TMEM232: variants seen among roughly 807,000 people sequenced by gnomAD.
TMEM232 encodes the protein transmembrane protein 232.
In TMEM232, 80 loss-of-function variants were observed where a neutral mutation model predicts 78.8. That is an observed-to-expected ratio of 1.01 (90% CI 0.85 to 1.22). TMEM232 has a LOEUF of 1.22. TMEM232 is among the 50% of genes most tolerant of loss of function. The pLI, the probability that TMEM232 is intolerant of heterozygous loss-of-function variation, is 0.00. For synonymous variants in TMEM232, 297 were observed against 254.3 expected, an observed-to-expected ratio of 1.17 and a Z score of -1.60; for missense variants, 881 against 742.2, an observed-to-expected ratio of 1.19 and a Z score of -2.17.
intron 12 of TMEM232, among the ~76,000 whole-genome samples, chr5:110,436,698 A>G (rs1031646169): frequency 2.6e-5 from 4 of 152,056 alleles, no homozygotes; most frequent in Non-Finnish European, 5.9e-5. Flanking sequence ...TCCCAGCACC[A>G]TTTATTGAAG....
intron 11 of TMEM232, among the ~76,000 whole-genome samples, chr5:110,536,993 G>C (rs904457601): frequency 1.3e-5 from 2 of 152,160 alleles, no homozygotes; most frequent in Non-Finnish European, 2.9e-5. Context: ...ACTAACGTCA[G>C]AGATGTCTGA....
At chr5:110,392,518 A>G (rs531312403) in intron 3 of TMEM232, among the ~76,000 whole-genome samples, 2 of 152,298 alleles carry the variant, frequency 1.3e-5, no homozygotes, top group South Asian at 4.1e-4. Context: ...GGAGACTGAG[A>G]AGTCCAAGAT....
chr5:110,536,682 AC>A (rs1303707176), intron 11 of TMEM232, among the ~76,000 whole-genome samples: 1 of 152,158 alleles, frequency 6.6e-6, no homozygotes, highest in Non-Finnish European at 1.5e-5. Context: ...AAAGGAACCC[AC>A]CTAGCTATGC....
At chr5:110,633,501 CGTGTTG>C (rs1785411769) in intron 5 of TMEM232, among the ~76,000 whole-genome samples, 1 of 152,052 alleles carries the variant, frequency 6.6e-6, no homozygotes, top group South Asian at 2.1e-4. Flanking sequence ...GGAAGGGCCA[CGTGTTG>C]AGGGAGGGAG....
chr5:110,425,565 A>C (rs1757138222), intron 12 of TMEM232, among the ~76,000 whole-genome samples: 1 of 152,078 alleles, frequency 6.6e-6, no homozygotes. Context: ...TCAATTTTTA[A>C]GACTGGAACT....
intron 1 of TMEM232, among the ~76,000 whole-genome samples, chr5:110,692,844 G>A (rs1006867981): frequency 6.6e-6 from 1 of 152,200 alleles, no homozygotes; most frequent in African/African-American, 2.4e-5. Flanking sequence ...CAAGGAGGCT[G>A]GCCTGCCTGC....
chr5:110,480,191 A>G (rs777388365), intron 12 of TMEM232, among the ~76,000 whole-genome samples: 3 of 151,890 alleles, frequency 2.0e-5, no homozygotes, highest in Non-Finnish European at 4.4e-5. Context: ...ACTTAAATAA[A>G]TAGCAGTGGG....
At chr5:110,715,873 G>A (rs1451640474) in intron 1 of TMEM232, among the ~76,000 whole-genome samples, 1 of 152,154 alleles carries the variant, frequency 6.6e-6, no homozygotes, top group African/African-American at 2.4e-5. Flanking sequence ...GCTACCTGGA[G>A]AATTCATCTA....
At chr5:110,431,250 C>CTT (rs1288087635) in intron 12 of TMEM232, among the ~76,000 whole-genome samples, 2 of 151,452 alleles carry the variant, frequency 1.3e-5, no homozygotes, top group African/African-American at 2.4e-5. Context: ...TTTTCAGAAA[C>CTT]TTTACAGTTT....
intron 2 of TMEM232, among the ~76,000 whole-genome samples, chr5:110,659,043 GA>G: frequency 6.6e-6 from 1 of 152,088 alleles, no homozygotes; most frequent in Admixed American, 6.6e-5. Context: ...AAATGGAATA[GA>G]ACCCTCAACA....
chr5:110,656,821 G>C (rs1426302377), intron 2 of TMEM232, among the ~76,000 whole-genome samples: 4 of 148,374 alleles, frequency 2.7e-5, no homozygotes, highest in African/African-American at 5.0e-5. Context: ...CTGGGCAACA[G>C]AGCAAGACTC....
At chr5:110,626,110 A>C (rs931906100) in intron 6 of TMEM232, among the ~76,000 whole-genome samples, 2 of 151,982 alleles carry the variant, frequency 1.3e-5, no homozygotes, top group Non-Finnish European at 2.9e-5. Context: ...TTAAAGGTAG[A>C]GCTGCAACCT....
intron 10 of TMEM232, among the ~76,000 whole-genome samples, chr5:110,593,760 T>C (rs148062744): frequency 0.034 from 5,176 of 152,212 alleles, 130 homozygotes; most frequent in African/African-American, 0.066. Flanking sequence ...TTTGATGGCA[T>C]GACAGAGTGC....
intron 12 of TMEM232, among the ~76,000 whole-genome samples, chr5:110,485,732 T>C (rs969664708): frequency 6.6e-6 from 1 of 152,184 alleles, no homozygotes; most frequent in Non-Finnish European, 1.5e-5. Context: ...CTTGGGTTGG[T>C]TCCAAAATTC....
chr5:110,582,473 A>G (rs1376717072), intron 10 of TMEM232, among the ~76,000 whole-genome samples: 1 of 152,026 alleles, frequency 6.6e-6, no homozygotes, highest in African/African-American at 2.4e-5. Context: ...ACACACGGAC[A>G]TAAAGATGGC....
chr5:110,576,193 A>C (rs1425782426), intron 10 of TMEM232, among the ~76,000 whole-genome samples: 1 of 152,074 alleles, frequency 6.6e-6, no homozygotes, highest in Non-Finnish European at 1.5e-5. Context: ...AAGTCTCAGC[A>C]TGCAAAATCG....
At chr5:110,638,900 G>A (rs1185610719) in intron 4 of TMEM232, among the ~76,000 whole-genome samples, 1 of 152,172 alleles carries the variant, frequency 6.6e-6, no homozygotes, top group South Asian at 2.1e-4. Context: ...AAAGGGAATA[G>A]CAGAAGACTA....
At chr5:110,583,994 G>C (rs1379788899) in intron 10 of TMEM232, among the ~76,000 whole-genome samples, 2 of 134,904 alleles carry the variant, frequency 1.5e-5, no homozygotes, top group Non-Finnish European at 3.2e-5. Flanking sequence ...AGAAGAAAAA[G>C]ACAAGTGTCG....
intron 10 of TMEM232, among the ~76,000 whole-genome samples, chr5:110,579,842 T>C (rs1777979106): frequency 6.6e-6 from 1 of 151,684 alleles, no homozygotes; most frequent in Non-Finnish European, 1.5e-5. Flanking sequence ...AAACGTAGAT[T>C]AAACTTCCCA....
Sources: allele counts gnomAD v4.1 joint callset (sites outside exome capture counted in the v4.1 genomes callset), GRCh38; gene constraint gnomAD v4.1.1; transcripts MANE v1.5; gene names NCBI Gene and HGNC (gene_info 2026-07-23, HGNC 2026-07-21).